The following DTNA variants were observed in gnomAD, a reference collection of about 807,000 sequenced individuals.
DTNA encodes dystrobrevin alpha, also known as dystrophin-related protein 3.
A neutral mutation model predicts 100.7 loss-of-function variants in DTNA; 43 were observed. That is an observed-to-expected ratio of 0.43 (90% CI 0.33 to 0.55). The LOEUF (loss-of-function observed/expected upper bound fraction) is 0.55, where lower values mean the gene tolerates loss of function less well. Among genes scored for constraint, DTNA ranks in the 20% least tolerant of loss-of-function variants. DTNA has a pLI of 0.04. For missense variants in DTNA, 798 were observed against 953.9 expected, an observed-to-expected ratio of 0.84 and a Z score of 2.15; for synonymous variants, 349 against 347.9, an observed-to-expected ratio of 1.00 and a Z score of -0.04.
intron 20 of DTNA, among the ~76,000 whole-genome samples, chr18:34,881,395 T>G (rs2150394372): frequency 6.6e-6 from 1 of 151,792 alleles, no homozygotes; most frequent in Non-Finnish European, 1.5e-5. Context: ...ATGAGGTCAT[T>G]TTTATCTATT....
chr18:34,493,876 C>T (rs1477419430), intron 1 of DTNA: 2 of 147,938 alleles, frequency 1.4e-5, no homozygotes, highest in African/African-American at 4.9e-5. Flanking sequence ...CCGGCGCCGG[C>T]CGCGGCTAGC....
Position 34,501,818 on chromosome 18 carries a change from T to A in DTNA, c.-2+8304T>A, listed in dbSNP as rs530181010. On this transcript the variant is annotated intron_variant, in intron 1 of 19. Transcript: ENST00000283365. ...GGCTTGCGGATAGCTGAGTTCTCAC[T>A]ATGTTTTCACGTGGTCTTTTCCTCA... Among the ~76,000 whole-genome samples, 3 of 152,318 alleles carry A rather than the reference T, an allele frequency of 2.0e-5. No individual in the cohort carries two copies. The East Asian group carries it at 5.8e-4, about 29-fold the overall frequency.
chr18:34,782,074 A>G (rs1396749661), intron 3 of DTNA, among the ~76,000 whole-genome samples: 1 of 152,218 alleles, frequency 6.6e-6, no homozygotes, highest in African/African-American at 2.4e-5. Flanking sequence ...AGCCTTGTGG[A>G]GCTTTCTTAG....
intron 1 of DTNA, among the ~76,000 whole-genome samples, chr18:34,494,707 G>T (rs1306046691): frequency 6.6e-6 from 1 of 152,138 alleles, no homozygotes; most frequent in African/African-American, 2.4e-5. Context: ...GATGTGCCTT[G>T]CAGTGAAGCT....
At chr18:34,502,231 C>T (rs1242904377) in intron 1 of DTNA, among the ~76,000 whole-genome samples, 1 of 152,066 alleles carries the variant, frequency 6.6e-6, no homozygotes, top group Non-Finnish European at 1.5e-5. Context: ...TGTTTCATTC[C>T]TGATGTTACT....
chr18:34,605,632 G>GGCAC (rs1555644305), intron 1 of DTNA, among the ~76,000 whole-genome samples: 2 of 83,894 alleles, frequency 2.4e-5, no homozygotes, highest in Non-Finnish European at 4.5e-5. Context: ...TTGCAACTCA[G>GGCAC]GCACACACAC....
intron 1 of DTNA, among the ~76,000 whole-genome samples, chr18:34,547,732 C>T (rs935640938): frequency 6.6e-6 from 1 of 152,112 alleles, no homozygotes; most frequent in Non-Finnish European, 1.5e-5. Context: ...ACAAATTCAA[C>T]ATTTGAAAAT....
intron 8 of DTNA, among the ~76,000 whole-genome samples, chr18:34,820,245 C>G (rs1012693194): frequency 6.6e-6 from 1 of 152,086 alleles, no homozygotes; most frequent in Non-Finnish European, 1.5e-5. Context: ...CCCGCAAAAT[C>G]TTCCACTCAT....
intron 1 of DTNA, among the ~76,000 whole-genome samples, chr18:34,622,796 T>C (rs1047813332): frequency 2.6e-5 from 4 of 152,186 alleles, no homozygotes; most frequent in Non-Finnish European, 5.9e-5. Flanking sequence ...ACAAGAGTTA[T>C]ACCATCGGCT....
rs535263078 is a variant in DTNA, at chr18:34,888,694, G to T, written c.*960G>T. The T allele has an allele frequency of 2.0e-6, 2 of 985,736 alleles. No homozygotes were observed. The highest frequency in any genetic ancestry group is 1.7e-5 in the African/African-American group (1 of 57,316). The allele number at this position is 985,736 out of a possible 1,614,324, so 61.1% of individuals were successfully genotyped here. On this transcript the variant is annotated 3_prime_UTR_variant, in exon 23 of 23. Transcript: ENST00000444659. ...CACAGGTGCCATAAGATCCCCAAAC[G>T]GACTAAAGTTATCTCTGCTCTTCCA...
upstream of DTNA, among the ~76,000 whole-genome samples, chr18:34,705,301 A>T (rs1035328786): frequency 3.3e-5 from 5 of 152,196 alleles, no homozygotes; most frequent in African/African-American, 7.2e-5. Flanking sequence ...CCTGATAAAA[A>T]AAAAATAAAA....
At chr18:34,800,833 G>A (rs1365304971) in intron 4 of DTNA, among the ~76,000 whole-genome samples, 2 of 152,100 alleles carry the variant, frequency 1.3e-5, no homozygotes, top group African/African-American at 2.4e-5. Flanking sequence ...CAGCCCTACC[G>A]ATCAATATCT....
At chr18:34,785,155 C>G (rs1394951199) in intron 3 of DTNA, among the ~76,000 whole-genome samples, 2 of 152,042 alleles carry the variant, frequency 1.3e-5, no homozygotes, top group African/African-American at 4.8e-5. Flanking sequence ...CCTCATGATC[C>G]GCCCTCCTCA....
intron 1 of DTNA, among the ~76,000 whole-genome samples, chr18:34,571,031 G>A (rs1173251040): frequency 6.6e-6 from 1 of 152,186 alleles, no homozygotes; most frequent in East Asian, 1.9e-4. Flanking sequence ...GCCTTTGTAA[G>A]GTATATAGTG....
intron 4 of DTNA, among the ~76,000 whole-genome samples, chr18:34,795,514 CTG>C (rs2094931980): frequency 6.6e-6 from 1 of 152,188 alleles, no homozygotes; most frequent in South Asian, 2.1e-4. Flanking sequence ...GTAAAGAGGA[CTG>C]TGGTTCCACA....
chr18:34,888,170 T>A lies in DTNA; in HGVS notation c.*436T>A. The A allele has an allele frequency of 5.1e-6, 5 of 985,866 alleles. No individual in the cohort carries two copies. The highest frequency in any genetic ancestry group is 4.7e-5 in the South Asian group (1 of 21,288). The allele number at this position is 985,866 out of a possible 1,614,324, so 61.1% of individuals were successfully genotyped here. ...CCTTTGCACATGATATTGAACCTGT[T>A]CAGTTTACAATGACAATATTAATAC... On this transcript the variant is annotated 3_prime_UTR_variant, in exon 23 of 23. Coordinates refer to ENST00000444659, the MANE Select transcript of DTNA (RefSeq NM_001386795.1).
intron 1 of DTNA, among the ~76,000 whole-genome samples, chr18:34,623,206 G>A (rs1449002387): frequency 2.0e-5 from 3 of 152,056 alleles, no homozygotes; most frequent in Admixed American, 6.6e-5. Context: ...AAAAAATGCA[G>A]GCTTCACCTA....
chr18:34,783,670 C>A (rs915782835), intron 3 of DTNA, among the ~76,000 whole-genome samples: 2 of 152,074 alleles, frequency 1.3e-5, no homozygotes, highest in African/African-American at 4.8e-5. Context: ...GAAGATTGTG[C>A]CTTTAGTAAC....
At chr18:34,500,755 C>T (rs536694499) in intron 1 of DTNA, among the ~76,000 whole-genome samples, 55 of 152,074 alleles carry the variant, frequency 3.6e-4, no homozygotes, top group Non-Finnish European at 5.4e-4. Context: ...TGAGCCACCA[C>T]GCCCGGCCAG....
Sources: allele counts gnomAD v4.1 joint callset (sites outside exome capture counted in the v4.1 genomes callset), GRCh38; gene constraint gnomAD v4.1.1; transcripts MANE v1.5; gene names NCBI Gene and HGNC (gene_info 2026-07-23, HGNC 2026-07-21).